Variants in MAN2B2 observed in about 807,000 individuals in gnomAD.
The protein encoded by MAN2B2 is mannosidase alpha class 2B member 2.
MAN2B2 carries 106 observed loss-of-function variants against 117.1 expected under a neutral mutation model. That is an observed-to-expected ratio of 0.90 (90% CI 0.77 to 1.06). MAN2B2 has a LOEUF of 1.06. Among genes scored for constraint, MAN2B2 ranks in the 50% least tolerant of loss-of-function variants. The pLI, the probability that MAN2B2 is intolerant of heterozygous loss-of-function variation, is 0.00. For missense variants in MAN2B2, 1,326 were observed against 1,381.4 expected, an observed-to-expected ratio of 0.96 and a Z score of 0.64; for synonymous variants, 544 against 595.1, an observed-to-expected ratio of 0.91 and a Z score of 1.25.
At chr4:6,609,630 G>A in intron 12 of MAN2B2, 168 bp from the exon 13 acceptor site, 1 of 847,666 alleles carries the variant, frequency 1.2e-6, no homozygotes, top group East Asian at 2.5e-5. Context: ...GCTGCTCCCA[G>A]CCGCTCGGGG....
intron 9 of MAN2B2, 103 bp from the exon 10 acceptor site, chr4:6,600,520 T>A: frequency 1.4e-6 from 2 of 1,393,616 alleles, no homozygotes; most frequent in Non-Finnish European, 2.0e-6. Context: ...GAGGGCTGCA[T>A]CTCACCTACC....
intron 5 of MAN2B2, 113 bp downstream of exon 5, chr4:6,589,273 C>G: frequency 1.2e-6 from 1 of 800,908 alleles, no homozygotes; most frequent in Non-Finnish European, 2.0e-6. Context: ...AGAGCTTCTG[C>G]TCTGTTGCCC....
chr4:6,588,926 G>T, intron 4 of MAN2B2, 119 bp from the exon 5 acceptor site: 1 of 696,030 alleles, frequency 1.4e-6, no homozygotes, highest in Non-Finnish European at 2.6e-6. Flanking sequence ...GCTCATCCTT[G>T]AACCACTGAG....
At chr4:6,580,862 C>T (rs1726400469) in intron 3 of MAN2B2, among the ~76,000 whole-genome samples, 1 of 152,198 alleles carries the variant, frequency 6.6e-6, no homozygotes, top group Non-Finnish European at 1.5e-5. Flanking sequence ...TGCTGATACC[C>T]CAGCGCTGAC....
In MAN2B2 at chr4:6,587,038, A is replaced by G; in HGVS notation, c.434A>G (p.Gln145Arg). Reference sequence around the variant, plus strand: ...TATGAAACATTTGGGATCCGGCCACAGTTCTCCTGGCACGTTGACCCGTTT... The same window carrying G: ...TATGAAACATTTGGGATCCGGCCACGGTTCTCCTGGCACGTTGACCCGTTT... ...FLYETFGIRPQFSWHVDPFGA... is the reference protein window; with the variant it reads ...FLYETFGIRPRFSWHVDPFGA... The change falls in exon 4 of 19, where the codon CAG becomes CGG. Residue 145 changes from glutamine to arginine, a missense_variant. Gln to Arg is a conservative substitution (Grantham distance 43). Transcript: ENST00000285599. The G allele has an allele frequency of 6.2e-7, 1 of 1,614,042 alleles. No homozygotes were observed. The highest frequency in any genetic ancestry group is 8.5e-7 in the Non-Finnish European group (1 of 1,180,008).
At chr4:6,595,845 C>T (rs1434902985) in intron 7 of MAN2B2, among the ~76,000 whole-genome samples, 1 of 152,246 alleles carries the variant, frequency 6.6e-6, no homozygotes, top group Non-Finnish European at 1.5e-5. Context: ...TTAGTCCTGC[C>T]TCTCTGGGCC....
Position 6,623,071 on chromosome 4 carries a change from A to G in MAN2B2, c.*1786A>G, listed in dbSNP as rs544438968. 2 of 151,932 alleles carry G rather than the reference A, an allele frequency of 1.3e-5. No individual in the cohort carries two copies. The highest frequency in any genetic ancestry group is 2.9e-5 in the Non-Finnish European group (2 of 68,188). The allele number at this position is 151,932 out of a possible 1,614,324, so 9.4% of individuals were successfully genotyped here. On this transcript the variant is annotated 3_prime_UTR_variant, in exon 19 of 19. Coordinates refer to ENST00000285599, the MANE Select transcript of MAN2B2 (RefSeq NM_015274.3). ...GCTTGGTTTCTGTGTCAAGAAGACT[A>G]TGGAGGCTGGGCAGTGGTTCATGCC... is the stretch of plus-strand genomic sequence containing the variant.
chr4:6,614,281 A>G lies in MAN2B2; in HGVS notation c.2627A>G (p.His876Arg), dbSNP rs768542103. The G allele has an allele frequency of 2.5e-6, 4 of 1,614,076 alleles. No homozygotes were observed. The highest frequency in any genetic ancestry group is 2.5e-6 in the Non-Finnish European group (3 of 1,180,000). Reference protein sequence around the residue: ...QEAVTLPPNLHLQILSIPGWR... With the variant: ...QEAVTLPPNLRLQILSIPGWR... ...GCCGTGACGCTGCCCCCGAATCTTC[A>G]CCTGCAGATCCTGAGCATCCCTGGC... Residue 876 changes from histidine to arginine, a missense_variant, in exon 16 of 19, where the codon CAC (histidine) becomes CGC (arginine). His to Arg is a conservative substitution (Grantham distance 29, BLOSUM62 0). Transcript: ENST00000285599.
rs73209757 is a variant in MAN2B2, at chr4:6,598,201, C to A, written c.1252C>A (p.Gln418Lys). Residue 418 changes from glutamine to lysine, a missense_variant, in exon 9 of 19, where the codon CAG becomes AAG. Coordinates refer to ENST00000285599, the MANE Select transcript of MAN2B2 (RefSeq NM_015274.3). ...QQLRWAVSEV[Q>K]HHDAITGTES... Reference sequence around the variant, plus strand: ...TCCCCTCTGGGGGTTGCTGCAGGTCCAGCACCATGATGCCATCACTGGGAC... The same window carrying A: ...TCCCCTCTGGGGGTTGCTGCAGGTCAAGCACCATGATGCCATCACTGGGAC... 2.6e-3 allele frequency: 4,206 copies of A among 1,613,290 alleles called. 24 individuals are homozygous for A. The highest frequency in any genetic ancestry group is 0.01 in the Middle Eastern group (61 of 6,058).
In MAN2B2 at chr4:6,576,695, G is replaced by T. The variant is rs149108321; in HGVS notation, c.256G>T (p.Gly86Cys). 1 of 1,613,852 alleles carries T rather than the reference G, an allele frequency of 6.2e-7. No individual in the cohort carries two copies. The highest frequency in any genetic ancestry group is 1.3e-5 in the African/African-American group (1 of 74,928). The change falls in exon 2 of 19, where the codon GGC becomes TGC. Residue 86 changes from glycine (G) to cysteine (C), a missense_variant. Coordinates refer to ENST00000285599, the MANE Select transcript of MAN2B2 (RefSeq NM_015274.3). ...EQEFFRLWWD[G>C]VASDQQKYQV... is the part of the protein sequence containing the mutation. ...GGAGTTTTTCCGGCTGTGGTGGGAT[G>T]GCGTCGCCTCGGACCAGCAGAAATA...
Position 6,579,180 on chromosome 4 carries a change from T to C in MAN2B2, c.391+682T>C, listed in dbSNP as rs867338584. ...ACCATCACCACCACCACCACCACCA[T>C]CACCATCACCAGCACCACCACCATC... On this transcript the variant is annotated intron_variant, in intron 3 of 18. Transcript: ENST00000285599. Among the ~76,000 whole-genome samples, 97 of 20,892 alleles carry C rather than the reference T, an allele frequency of 4.6e-3. 1 individual carries two copies. The highest frequency in any genetic ancestry group is 5.8e-3 in the African/African-American group (40 of 6,896). The allele number at this position is 20,892 out of a possible 152,430, so 13.7% of individuals were successfully genotyped here.
At chr4:6,618,901 G>A (rs1455631753) in intron 17 of MAN2B2, 2 of 152,206 alleles carry the variant, frequency 1.3e-5, no homozygotes, top group East Asian at 3.9e-4. Flanking sequence ...CACGGTCCCT[G>A]GCCTGCCTGA....
intron 15 of MAN2B2, among the ~76,000 whole-genome samples, chr4:6,613,247 G>C (rs1185096894): frequency 6.6e-6 from 1 of 152,182 alleles, no homozygotes; most frequent in Non-Finnish European, 1.5e-5. Context: ...AGAGAGACCA[G>C]TAGATGACAA....
chr4:6,578,830 G>C (rs1455825419), intron 3 of MAN2B2, among the ~76,000 whole-genome samples: 2 of 152,032 alleles, frequency 1.3e-5, no homozygotes, highest in Non-Finnish European at 2.9e-5. Context: ...AAGGGTTGTT[G>C]TGAGTATTAA....
intron 7 of MAN2B2, 139 bp downstream of exon 7, chr4:6,594,871 AG>A: frequency 1.2e-6 from 1 of 857,294 alleles, no homozygotes; most frequent in Non-Finnish European, 1.8e-6. Context: ...TGTGGGGCGC[AG>A]GGGCAGAGAC....
intron 1 of MAN2B2, among the ~76,000 whole-genome samples, chr4:6,575,897 T>C (rs1726039525): frequency 6.6e-6 from 1 of 152,164 alleles, no homozygotes; most frequent in African/African-American, 2.4e-5. Flanking sequence ...ACAGCCAGTT[T>C]CCAGAGGAGA....
At chr4:6,611,545 T>A (rs563694892) in intron 15 of MAN2B2, among the ~76,000 whole-genome samples, 73 of 147,710 alleles carry the variant, frequency 4.9e-4, no homozygotes, top group Non-Finnish European at 9.9e-4. Context: ...TTCTCCATTT[T>A]CTTCTCTGAT....
chr4:6,575,896 T>C (rs1248680290), intron 1 of MAN2B2, among the ~76,000 whole-genome samples: 1 of 152,292 alleles, frequency 6.6e-6, no homozygotes, highest in East Asian at 1.9e-4. Flanking sequence ...TACAGCCAGT[T>C]TCCAGAGGAG....
chr4:6,610,833 C>T (rs754834291), intron 13 of MAN2B2, 47 bp from the exon 14 acceptor site: 12 of 1,557,440 alleles, frequency 7.7e-6, no homozygotes, highest in Non-Finnish European at 1.1e-5. Flanking sequence ...CCTGACCTAC[C>T]TTGCCCTTTG....
Sources: allele counts gnomAD v4.1 joint callset (sites outside exome capture counted in the v4.1 genomes callset), GRCh38; gene constraint gnomAD v4.1.1; transcripts MANE v1.5; gene names NCBI Gene and HGNC (gene_info 2026-07-23, HGNC 2026-07-21).